SPATS2: variants seen among roughly 807,000 people sequenced by gnomAD.
SPATS2 encodes spermatogenesis associated serine rich 2, also known as spermatogenesis-associated serine-rich protein 2.
Under a neutral mutation model 63.7 loss-of-function variants are expected in SPATS2, and 38 were observed. The observed-to-expected ratio is 0.60, with a 90% CI of 0.46 to 0.78. The LOEUF is 0.78. SPATS2 is among the 30% of genes least tolerant of loss of function. SPATS2 has a pLI of 0.00. For synonymous variants in SPATS2, 207 were observed against 232.9 expected (o/e 0.89, Z 1.01); for missense variants, 588 against 666.2 (o/e 0.88, Z 1.29).
chr12:49,390,149 G>T, intron 2 of SPATS2: 2 of 1,538,718 alleles, frequency 1.3e-6, no homozygotes, highest in Non-Finnish European at 1.8e-6. Context: ...AGTGACTTGA[G>T]TCTGAGGAAG....
At chr12:49,487,384 G>A (rs1246815928) in intron 4 of SPATS2, among the ~76,000 whole-genome samples, 1 of 151,914 alleles carries the variant, frequency 6.6e-6, no homozygotes, top group African/African-American at 2.4e-5. Flanking sequence ...CCAGCTACCT[G>A]GGAGACTGTG....
At chr12:49,387,335 G>T (rs1319273300) in intron 2 of SPATS2, among the ~76,000 whole-genome samples, 1 of 151,998 alleles carries the variant, frequency 6.6e-6, no homozygotes, top group Non-Finnish European at 1.5e-5. Flanking sequence ...ACAGTGTGGG[G>T]ATTAGAATGT....
Position 49,472,882 on chromosome 12 carries a change from G to T in SPATS2, c.26-11708G>T, listed in dbSNP as rs1159944164. Among the ~76,000 whole-genome samples, 3 of 150,514 alleles carry T rather than the reference G, an allele frequency of 2.0e-5. No homozygotes were observed. The East Asian group carries it at 5.9e-4, about 29-fold the overall frequency. ...TGGCTAAACCCCGTCTCTACAAAAA[G>T]TAAAAAATTAGCCAGACGTGGTGGC... On this transcript the variant is annotated intron_variant, in intron 3 of 13. Coordinates refer to ENST00000552918, the MANE Select transcript of SPATS2 (RefSeq NM_023071.4).
At chr12:49,519,248 A>G in intron 11 of SPATS2, 66 bp downstream of exon 11, 2 of 1,290,746 alleles carry the variant, frequency 1.5e-6, no homozygotes, top group Middle Eastern at 3.7e-4. Flanking sequence ...AAATTTTCAT[A>G]ATTCATGGCC....
intron 11 of SPATS2, among the ~76,000 whole-genome samples, chr12:49,520,041 G>A (rs1946914870): frequency 6.6e-6 from 1 of 150,726 alleles, no homozygotes; most frequent in African/African-American, 2.4e-5. Context: ...GTGCAATAGC[G>A]CAATCTCAGC....
intron 2 of SPATS2, among the ~76,000 whole-genome samples, chr12:49,376,834 T>C (rs1268834389): frequency 6.8e-6 from 1 of 146,554 alleles, no homozygotes; most frequent in East Asian, 2.2e-4. Context: ...TTCTCCTGCC[T>C]CAGCCTCCTG....
At chr12:49,408,697 A>C (rs928231906) in intron 2 of SPATS2, among the ~76,000 whole-genome samples, 1 of 151,440 alleles carries the variant, frequency 6.6e-6, no homozygotes, top group Non-Finnish European at 1.5e-5. Context: ...CCAAGACTAC[A>C]GGCACGCAAC....
chr12:49,456,797 C>A (rs1286124757), intron 2 of SPATS2, among the ~76,000 whole-genome samples: 2 of 152,184 alleles, frequency 1.3e-5, no homozygotes, highest in Non-Finnish European at 2.9e-5. Flanking sequence ...TTATTGTCTG[C>A]AAATGATTTT....
Position 49,401,542 on chromosome 12 carries a change from A to G in SPATS2, c.-244+30252A>G, listed in dbSNP as rs1166699305. Among the ~76,000 whole-genome samples the G allele has an allele frequency of 2.0e-5, 3 of 152,200 alleles. No homozygotes were observed. The East Asian group carries it at 5.8e-4, about 29-fold the overall frequency. ...CCATATTATTTTGAAGCAATCCCAA[A>G]CATCATATTTTGTGCTTAAATATTT... On this transcript the variant is annotated intron_variant, in intron 2 of 13. Coordinates refer to ENST00000552918, the MANE Select transcript of SPATS2 (RefSeq NM_023071.4).
intron 3 of SPATS2, among the ~76,000 whole-genome samples, chr12:49,477,962 CTTTTTTT>C (rs1002916907): frequency 6.7e-5 from 7 of 105,250 alleles, no homozygotes; most frequent in East Asian, 2.8e-4. Flanking sequence ...GTGGTTTTGT[CTTTTTTT>C]TTTTTTTTTT....
chr12:49,448,997 A>G (rs987846464), intron 2 of SPATS2, among the ~76,000 whole-genome samples: 2 of 152,238 alleles, frequency 1.3e-5, no homozygotes, highest in African/African-American at 4.8e-5. Flanking sequence ...CTCCAAATAC[A>G]ATACATAAAT....
intron 3 of SPATS2, among the ~76,000 whole-genome samples, chr12:49,477,701 A>G (rs1266684912): frequency 6.6e-6 from 1 of 152,234 alleles, no homozygotes; most frequent in Non-Finnish European, 1.5e-5. Context: ...AGCACACTAT[A>G]GTAATATTAA....
chr12:49,436,048 A>G (rs1172694107), intron 2 of SPATS2, among the ~76,000 whole-genome samples: 2 of 151,656 alleles, frequency 1.3e-5, no homozygotes, highest in Admixed American at 1.3e-4. Context: ...ACCTCTTTCT[A>G]CACAGACATG....
chr12:49,417,446 G>A lies in SPATS2; in HGVS notation c.-243-43324G>A, dbSNP rs989178156. On this transcript the variant is annotated intron_variant, in intron 2 of 13. Coordinates refer to ENST00000552918, the MANE Select transcript of SPATS2 (RefSeq NM_023071.4). Reference sequence around the variant, plus strand: ...AGAGACTGTAAAGCAGGTTAGAAGAGTCTTTGAACAGCATTAGGGCACTGT... The same window carrying A: ...AGAGACTGTAAAGCAGGTTAGAAGAATCTTTGAACAGCATTAGGGCACTGT... 4.6e-5 allele frequency among the ~76,000 whole-genome samples: 7 copies of A among 152,240 alleles called. No homozygotes were observed. The East Asian group carries it at 1.3e-3, about 29-fold the overall frequency.
intron 2 of SPATS2, among the ~76,000 whole-genome samples, chr12:49,442,012 A>G (rs1945427401): frequency 6.6e-6 from 1 of 152,196 alleles, no homozygotes; most frequent in Admixed American, 6.5e-5. Flanking sequence ...CGAAAAAACA[A>G]CATGGTAATG....
At chr12:49,511,962 A>T (rs569360332) in intron 9 of SPATS2, among the ~76,000 whole-genome samples, 1 of 152,314 alleles carries the variant, frequency 6.6e-6, no homozygotes, top group East Asian at 1.9e-4. Flanking sequence ...TGTGTGTATA[A>T]TATTTTGGTG....
rs1945808537 is a variant in SPATS2 at position 49,460,792 on chromosome 12, T to C, written c.-221T>C. On this transcript the variant is annotated 5_prime_UTR_variant, in exon 3 of 14. It removes an upstream start codon present in the reference 5' UTR. Coordinates refer to ENST00000552918, the MANE Select transcript of SPATS2 (RefSeq NM_023071.4). ...CAGAATCTCCCTGGAAAAGGAGACA[T>C]GAATGTCTGCAATGATACTTCCTGA... 3.5e-6 allele frequency: 2 copies of C among 576,228 alleles called. No individual in the cohort carries two copies. The highest frequency in any genetic ancestry group is 1.9e-5 in the African/African-American group (1 of 52,986). 35.7% of individuals were successfully genotyped at this position (576,228 alleles called of 1,614,324 possible).
At chr12:49,471,219 C>G (rs894438453) in intron 3 of SPATS2, among the ~76,000 whole-genome samples, 3 of 152,182 alleles carry the variant, frequency 2.0e-5, no homozygotes, top group Non-Finnish European at 4.4e-5. Flanking sequence ...GAATGAAGCA[C>G]TCATTAATGC....
intron 4 of SPATS2, among the ~76,000 whole-genome samples, chr12:49,485,098 G>T (rs1355576420): frequency 1.4e-5 from 2 of 144,060 alleles, no homozygotes; most frequent in Admixed American, 7.2e-5. Flanking sequence ...ACGGAGTCTC[G>T]CACTGTCACC....
Sources: allele counts gnomAD v4.1 joint callset (sites outside exome capture counted in the v4.1 genomes callset), GRCh38; gene constraint gnomAD v4.1.1; transcripts MANE v1.5; gene names NCBI Gene and HGNC (gene_info 2026-07-23, HGNC 2026-07-21).